The following LCMT1 variants were observed in gnomAD, a reference collection of about 807,000 sequenced individuals.
LCMT1 encodes the protein leucine carboxyl methyltransferase 1, also known as [Phosphatase 2A protein]-leucine-carboxy methyltransferase 1.
LCMT1 carries 32 observed loss-of-function variants against 47.7 expected under a neutral mutation model. The ratio of observed to expected loss-of-function variants is 0.67; its 90% CI spans 0.51 to 0.90. The LOEUF is 0.90. LCMT1 is among the 40% of genes least tolerant of loss of function. LCMT1 has a pLI of 0.00. For missense variants in LCMT1, 375 were observed against 415.2 expected (o/e 0.90, Z 0.84); for synonymous variants, 152 against 149.7 (o/e 1.02, Z -0.11).
At chr16:25,115,246 T>G (rs550184869) in intron 1 of LCMT1, among the ~76,000 whole-genome samples, 1 of 152,232 alleles carries the variant, frequency 6.6e-6, no homozygotes, top group Non-Finnish European at 1.5e-5. Context: ...TCTCTGTCTT[T>G]TAGATGTTCC....
At chr16:25,120,842 G>C (rs374881043) in intron 1 of LCMT1, among the ~76,000 whole-genome samples, 1 of 146,420 alleles carries the variant, frequency 6.8e-6, no homozygotes. Context: ...TTACCTCCCC[G>C]GGCTCAGGTG....
At chr16:25,151,111 A>G (rs1203669220) in intron 4 of LCMT1, among the ~76,000 whole-genome samples, 1 of 152,130 alleles carries the variant, frequency 6.6e-6, no homozygotes, top group East Asian at 1.9e-4. Context: ...ATGTTACTGA[A>G]CTTCAAGTTT....
At chr16:25,163,423 C>T (rs1031809410) in intron 6 of LCMT1, among the ~76,000 whole-genome samples, 2 of 146,260 alleles carry the variant, frequency 1.4e-5, no homozygotes, top group Non-Finnish European at 3.0e-5. Flanking sequence ...GAGCTGAGAT[C>T]GTGCCACTCC....
intron 1 of LCMT1, among the ~76,000 whole-genome samples, chr16:25,126,438 G>A (rs1032842197): frequency 2.0e-5 from 3 of 152,282 alleles, no homozygotes; most frequent in African/African-American, 7.2e-5. Context: ...TTGGACACCT[G>A]ACTCTCCCAT....
At chr16:25,125,289 G>A (rs1339818923) in intron 1 of LCMT1, among the ~76,000 whole-genome samples, 1 of 152,182 alleles carries the variant, frequency 6.6e-6, no homozygotes, top group Non-Finnish European at 1.5e-5. Flanking sequence ...ATACAATTTT[G>A]TGATTAGGTT....
chr16:25,163,479 A>G (rs1164725050), intron 6 of LCMT1, among the ~76,000 whole-genome samples: 1 of 152,016 alleles, frequency 6.6e-6, no homozygotes, highest in Non-Finnish European at 1.5e-5. Context: ...AAAAAAAAAA[A>G]AAAAAAAGAA....
At chr16:25,140,402 A>T (rs1206775544) in intron 4 of LCMT1, 155 bp downstream of exon 4, 1 of 623,490 alleles carries the variant, frequency 1.6e-6, no homozygotes, top group Non-Finnish European at 2.9e-6. Flanking sequence ...CACTCATTCC[A>T]GCATGTTCTA....
chr16:25,154,013 T>G (rs368000724), intron 5 of LCMT1, among the ~76,000 whole-genome samples: 30 of 152,058 alleles, frequency 2.0e-4, no homozygotes, highest in African/African-American at 7.2e-4. Context: ...TTATTTTTAT[T>G]TTATTTTATT....
intron 2 of LCMT1, among the ~76,000 whole-genome samples, chr16:25,130,566 G>C: frequency 6.6e-6 from 1 of 152,152 alleles, no homozygotes; most frequent in Non-Finnish European, 1.5e-5. Flanking sequence ...TGGGAAGATC[G>C]GCTCAGGCAA....
At chr16:25,140,108 T>G (rs1197373204) in intron 3 of LCMT1, 63 bp from the exon 4 acceptor site, 10 of 1,239,274 alleles carry the variant, frequency 8.1e-6, no homozygotes, top group Non-Finnish European at 9.3e-6. Context: ...GTGCTTGATA[T>G]GTGGAAGATG....
At chr16:25,132,335 G>A (rs1366530209) in intron 2 of LCMT1, 67 bp from the exon 3 acceptor site, 2 of 1,588,044 alleles carry the variant, frequency 1.3e-6, no homozygotes, top group Non-Finnish European at 1.7e-6. Flanking sequence ...CCTGGGGTGG[G>A]CTTCACAGGG....
intron 4 of LCMT1, among the ~76,000 whole-genome samples, chr16:25,150,408 G>A (rs1310773515): frequency 7.6e-6 from 1 of 131,220 alleles, no homozygotes; most frequent in African/African-American, 2.9e-5. Flanking sequence ...GCAATGGCAC[G>A]ATCTCAGCTC....
At chr16:25,144,280 TC>T (rs1044227566) in intron 4 of LCMT1, 1 of 152,366 alleles carries the variant, frequency 6.6e-6, no homozygotes, top group Admixed American at 6.5e-5. Flanking sequence ...CCTCCCTTTC[TC>T]CCAGTTGTGA....
intron 9 of LCMT1, among the ~76,000 whole-genome samples, chr16:25,171,628 A>G (rs1158477775): frequency 6.6e-6 from 1 of 152,220 alleles, no homozygotes; most frequent in African/African-American, 2.4e-5. Context: ...AATTTTACAT[A>G]ATCCCTGCTT....
Position 25,168,036 on chromosome 16 carries a change from C to T in LCMT1, c.691-1076C>T, listed in dbSNP as rs180770604. On this transcript the variant is annotated intron_variant, in intron 7 of 10. Coordinates refer to ENST00000399069, the MANE Select transcript of LCMT1 (RefSeq NM_016309.3). ...CCTCCCAAAGTGCTGGGATTATAGGCGTGAGCTACCGCACCCAGCCTTTTT... is the reference window on the plus strand; with the variant it reads ...CCTCCCAAAGTGCTGGGATTATAGGTGTGAGCTACCGCACCCAGCCTTTTT... 8.6e-5 allele frequency among the ~76,000 whole-genome samples: 13 copies of T among 150,838 alleles called. No individual in the cohort carries two copies. The East Asian group carries it at 2.4e-3, about 27-fold the overall frequency.
At chr16:25,118,900 G>A (rs1413162521) in intron 1 of LCMT1, among the ~76,000 whole-genome samples, 2 of 152,136 alleles carry the variant, frequency 1.3e-5, no homozygotes, top group African/African-American at 2.4e-5. Flanking sequence ...CTCTTGTAAG[G>A]ACCCGACTTT....
intron 1 of LCMT1, among the ~76,000 whole-genome samples, chr16:25,120,216 A>T (rs1398663067): frequency 6.7e-6 from 1 of 149,650 alleles, no homozygotes; most frequent in Non-Finnish European, 1.5e-5. Flanking sequence ...GTGAAATTTT[A>T]TGGGTTTTTT....
chr16:25,136,184 A>G (rs1481943353), intron 3 of LCMT1, among the ~76,000 whole-genome samples: 2 of 151,126 alleles, frequency 1.3e-5, no homozygotes, highest in East Asian at 3.9e-4. Context: ...TTCTGTTTCC[A>G]TGGAACCAAT....
intron 10 of LCMT1, among the ~76,000 whole-genome samples, chr16:25,176,035 C>T (rs963548330): frequency 3.3e-5 from 5 of 151,938 alleles, no homozygotes; most frequent in Non-Finnish European, 5.9e-5. Flanking sequence ...GGATGTTAAA[C>T]GCACAGATCA....
Sources: allele counts gnomAD v4.1 joint callset (sites outside exome capture counted in the v4.1 genomes callset), GRCh38; gene constraint gnomAD v4.1.1; transcripts MANE v1.5; gene names NCBI Gene and HGNC (gene_info 2026-07-23, HGNC 2026-07-21).